Variants in MEIS2 observed in about 807,000 individuals in gnomAD.
MEIS2 encodes Meis homeobox 2, also known as homeobox protein Meis2.
Under a neutral mutation model 58.6 loss-of-function variants are expected in MEIS2, and 9 were observed. The observed-to-expected ratio is 0.15, with a 90% confidence interval of 0.09 to 0.27. MEIS2 has a LOEUF of 0.27. Ranked by LOEUF, MEIS2 falls within the 10% of genes least tolerant of loss-of-function variation. MEIS2 has a pLI of 1.00. For synonymous variants in MEIS2, 221 were observed against 228.4 expected, an observed-to-expected ratio of 0.97 and a Z score of 0.29; for missense variants, 427 against 635.0, an observed-to-expected ratio of 0.67 and a Z score of 3.52.
intron 9 of MEIS2, among the ~76,000 whole-genome samples, chr15:36,929,039 A>C (rs2057863292): frequency 6.6e-6 from 1 of 152,232 alleles, no homozygotes; most frequent in Non-Finnish European, 1.5e-5. Context: ...AACAATAACT[A>C]ATTATATAAC....
chr15:36,892,563 G>A (rs1595660576), intron 11 of MEIS2, 104 bp from the exon 12 acceptor site: 4 of 1,002,010 alleles, frequency 4.0e-6, no homozygotes, highest in Non-Finnish European at 4.4e-6. Flanking sequence ...AACAGACACT[G>A]CAAATCTTAT....
intron 9 of MEIS2, among the ~76,000 whole-genome samples, chr15:36,923,687 A>G (rs2057617470): frequency 6.6e-6 from 1 of 152,218 alleles, no homozygotes; most frequent in Non-Finnish European, 1.5e-5. Context: ...GAAAACACAA[A>G]CAAAAGTCTT....
intron 7 of MEIS2, among the ~76,000 whole-genome samples, chr15:37,076,671 T>C (rs1891465273): frequency 6.6e-6 from 1 of 152,070 alleles, no homozygotes; most frequent in African/African-American, 2.4e-5. Flanking sequence ...TTTATTCTCT[T>C]CCTTGACATT....
intron 8 of MEIS2, among the ~76,000 whole-genome samples, chr15:36,976,561 A>G (rs1336634618): frequency 2.0e-5 from 3 of 151,154 alleles, no homozygotes; most frequent in South Asian, 2.1e-4. Flanking sequence ...CTTAAATACT[A>G]TGACACACCA....
intron 8 of MEIS2, among the ~76,000 whole-genome samples, chr15:37,029,228 C>G (rs1303443097): frequency 2.0e-5 from 3 of 152,158 alleles, no homozygotes; most frequent in Non-Finnish European, 4.4e-5. Context: ...GTACTTTCAG[C>G]TGTGTGTTCT....
In MEIS2 at chr15:37,098,194, A is replaced by G. The variant is rs748786042; in HGVS notation, c.18T>C (p.Asp6=). The change falls in exon 2 of 12, where the codon GAT becomes GAC. Residue 6 remains aspartate, a synonymous_variant. Coordinates refer to ENST00000561208, the MANE Select transcript of MEIS2 (RefSeq NM_170675.5). MAQRY[D]ELPHYGGMDG... is the part of the protein sequence containing the mutation. ...CCATCCCGCCGTAATGGGGCAGCTC[A>G]TCGTACTGTCAGAACCCGGGAAGGG... 7.7e-5 allele frequency: 123 copies of G among 1,598,652 alleles called. No homozygotes were observed. The highest frequency in any genetic ancestry group is 1.0e-4 in the Non-Finnish European group (121 of 1,170,468).
intron 8 of MEIS2, among the ~76,000 whole-genome samples, chr15:36,963,393 A>G (rs1407047502): frequency 6.6e-6 from 1 of 152,004 alleles, no homozygotes; most frequent in African/African-American, 2.4e-5. Flanking sequence ...AAAAAAAAAA[A>G]AAGAGTGAAA....
Position 37,052,382 on chromosome 15 carries a change from C to A in MEIS2, c.755-15423G>T, listed in dbSNP as rs141078428. Among the ~76,000 whole-genome samples the A allele has an allele frequency of 1.4e-3, 212 of 152,246 alleles. 4 individuals are homozygous for A. In the East Asian group the frequency reaches 0.038, roughly 28 times the overall value. On this transcript the variant is annotated intron_variant, in intron 7 of 11. Transcript: ENST00000561208. Reference sequence around the variant, plus strand: ...TATTTAATATAAGCAGAAACTGAAGCCAGACAGGTTAAGAAACTCGCCTAA... The same window carrying A: ...TATTTAATATAAGCAGAAACTGAAGACAGACAGGTTAAGAAACTCGCCTAA...
At chr15:37,002,514 CCTTTCA>C (rs900835088) in intron 8 of MEIS2, among the ~76,000 whole-genome samples, 3 of 152,126 alleles carry the variant, frequency 2.0e-5, no homozygotes, top group Admixed American at 2.0e-4. Flanking sequence ...TTTGCATCCT[CCTTTCA>C]CTTAGTGAAG....
At chr15:37,074,663 C>A (rs1287828643) in intron 7 of MEIS2, among the ~76,000 whole-genome samples, 1 of 151,896 alleles carries the variant, frequency 6.6e-6, no homozygotes, top group Non-Finnish European at 1.5e-5. Context: ...GTTACTGGTT[C>A]CAGGCAATGT....
rs936687386 is a variant in MEIS2, at chr15:36,976,146, G to A, written c.901-25746C>T. 6.6e-5 allele frequency among the ~76,000 whole-genome samples: 10 copies of A among 151,978 alleles called. No homozygotes were observed. In the South Asian group the frequency reaches 1.0e-3, roughly 16 times the overall value. On this transcript the variant is annotated intron_variant, in intron 8 of 11. Coordinates refer to ENST00000561208, the MANE Select transcript of MEIS2 (RefSeq NM_170675.5). ...GTCACCCAGGCTGGAGTGCAGTGGCGCGATCTCGGCTCCCTGCAACCTCCG... is the reference window on the plus strand; with the variant it reads ...GTCACCCAGGCTGGAGTGCAGTGGCACGATCTCGGCTCCCTGCAACCTCCG...
At position 37,095,551 on chromosome 15, in the gene MEIS2, C is replaced by G; in HGVS notation, c.438+13G>C. 8.1e-6 allele frequency: 13 copies of G among 1,614,170 alleles called. No individual in the cohort carries two copies. The highest frequency in any genetic ancestry group is 1.1e-5 in the Non-Finnish European group (13 of 1,180,016). On this transcript the variant is annotated intron_variant, in intron 4 of 11. Coordinates refer to ENST00000561208, the MANE Select transcript of MEIS2 (RefSeq NM_170675.5). ...GCAAAGGCTGGGGAAAAACAAGGAA[C>G]AGAGAGCCTTACCAAATTGTCCAGC...
chr15:37,082,514 T>C (rs1056076197), intron 7 of MEIS2, among the ~76,000 whole-genome samples: 2 of 152,274 alleles, frequency 1.3e-5, no homozygotes, highest in East Asian at 3.9e-4. Flanking sequence ...TGCAGATCCA[T>C]TGACCCTATG....
chr15:36,939,227 C>T (rs1343014393), intron 9 of MEIS2, among the ~76,000 whole-genome samples: 1 of 152,250 alleles, frequency 6.6e-6, no homozygotes, highest in African/African-American at 2.4e-5. Flanking sequence ...CCAGCCCACT[C>T]TCTAGCTTAT....
chr15:36,958,114 G>A (rs2059051809), intron 8 of MEIS2, among the ~76,000 whole-genome samples: 1 of 152,094 alleles, frequency 6.6e-6, no homozygotes. Context: ...TATAATAATA[G>A]CCTCCTATAG....
intron 8 of MEIS2, among the ~76,000 whole-genome samples, chr15:36,990,180 C>T (rs946745322): frequency 2.6e-5 from 4 of 152,030 alleles, no homozygotes; most frequent in Admixed American, 1.3e-4. Context: ...CTCCTGACCT[C>T]GTGACCCGCC....
intron 8 of MEIS2, among the ~76,000 whole-genome samples, chr15:36,991,999 G>A (rs1255656082): frequency 6.6e-6 from 1 of 150,844 alleles, no homozygotes; most frequent in African/African-American, 2.4e-5. Flanking sequence ...GTTTTAGCCA[G>A]GATGGTCTCG....
At chr15:37,091,400 G>A (rs965701907) in intron 6 of MEIS2, among the ~76,000 whole-genome samples, 1 of 152,138 alleles carries the variant, frequency 6.6e-6, no homozygotes, top group Non-Finnish European at 1.5e-5. Context: ...ACAAATAGCA[G>A]GGGGCTAAAG....
intron 3 of MEIS2, chr15:37,096,078 AT>A (rs1894193594): frequency 1.8e-6 from 1 of 544,234 alleles, no homozygotes; most frequent in African/African-American, 1.9e-5. Context: ...CGACCCCTGT[AT>A]TCCTGCTGGG....
Sources: gnomAD v4.1 joint callset for allele counts (sites outside exome capture counted in the v4.1 genomes callset) on GRCh38, gnomAD v4.1.1 for gene constraint, MANE v1.5 for transcripts, NCBI Gene and HGNC (gene_info 2026-07-23, HGNC 2026-07-21) for gene names.